Variants in SLC24A2 observed in about 807,000 individuals in gnomAD.
SLC24A2 encodes solute carrier family 24 member 2.
SLC24A2 carries 36 observed loss-of-function variants against 62.0 expected under a neutral mutation model. The observed-to-expected ratio is 0.58, with a 90% CI of 0.44 to 0.77. The LOEUF is 0.77. Among genes scored for constraint, SLC24A2 ranks in the 30% least tolerant of loss-of-function variants. The pLI is 0.00. For synonymous variants in SLC24A2, 358 were observed against 294.0 expected (o/e 1.22, Z -2.23); for missense variants, 846 against 817.9 (o/e 1.03, Z -0.42).
At chr9:19,559,960 C>G (rs924392972) in intron 7 of SLC24A2, among the ~76,000 whole-genome samples, 3 of 152,114 alleles carry the variant, frequency 2.0e-5, no homozygotes, top group African/African-American at 7.2e-5. Flanking sequence ...TTTGGTCTCA[C>G]CGACCCAAAC....
the SLC24A2 span, among the ~76,000 whole-genome samples, chr9:19,865,721 C>A: frequency 3.3e-3 from 500 of 152,268 alleles, 1 homozygote; most frequent in African/African-American, 0.011. Flanking sequence ...AGACTTAAAT[C>A]TAAGACCACA....
chr9:20,277,983 A>T, the SLC24A2 span, among the ~76,000 whole-genome samples: 22,315 of 152,126 alleles, frequency 0.15, 1,979 homozygotes, highest in African/African-American at 0.24. Flanking sequence ...AACTACCACA[A>T]AGACAGAAAA....
the SLC24A2 span, among the ~76,000 whole-genome samples, chr9:20,121,717 C>T: frequency 6.2e-4 from 95 of 152,224 alleles, 1 homozygote; most frequent in African/African-American, 2.2e-3. Context: ...TTTAAGAAAA[C>T]ACCGATATCC....
the SLC24A2 span, chr9:19,928,479 A>C: frequency 1.3e-5 from 2 of 152,328 alleles, no homozygotes; most frequent in Middle Eastern, 3.4e-3. Context: ...ACCTTGAGAA[A>C]GTCACTCAAT....
intron 2 of SLC24A2, among the ~76,000 whole-genome samples, chr9:19,641,755 C>A (rs1818500620): frequency 2.0e-5 from 3 of 152,138 alleles, no homozygotes; most frequent in Admixed American, 1.3e-4. Context: ...GCTATAAAAG[C>A]AACACATTTA....
Position 19,597,291 on chromosome 9 carries a change from C to T in SLC24A2, c.1079-12G>A. ...ATATGATCCAAGTTCTACAACATCA[C>T]AGTAAAAGACACAAAGATAAGGAAC... On this transcript the variant is annotated splice_polypyrimidine_tract_variant and intron_variant, in intron 4 of 10. Transcript: ENST00000341998. The T allele has an allele frequency of 2.0e-6, 3 of 1,522,604 alleles. No individual in the cohort carries two copies. The highest frequency in any genetic ancestry group is 2.7e-6 in the Non-Finnish European group (3 of 1,096,770). 94.3% of individuals were successfully genotyped at this position (1,522,604 alleles called of 1,614,324 possible).
chr9:19,889,116 G>A, the SLC24A2 span, among the ~76,000 whole-genome samples: 1 of 152,298 alleles, frequency 6.6e-6, no homozygotes, highest in East Asian at 1.9e-4. Context: ...AACCTTCAGA[G>A]CACCTTGGCT....
chr9:20,071,733 C>G, the SLC24A2 span, among the ~76,000 whole-genome samples: 1 of 152,100 alleles, frequency 6.6e-6, no homozygotes, highest in Non-Finnish European at 1.5e-5. Flanking sequence ...AACACTATCT[C>G]TGGATAGACA....
chr9:19,913,149 T>A, the SLC24A2 span, among the ~76,000 whole-genome samples: 1 of 152,130 alleles, frequency 6.6e-6, no homozygotes, highest in Admixed American at 6.6e-5. Flanking sequence ...CTCATCTAAA[T>A]TGAAGAATTC....
chr9:20,189,330 T>C, the SLC24A2 span, among the ~76,000 whole-genome samples: 22 of 152,300 alleles, frequency 1.4e-4, no homozygotes, highest in African/African-American at 5.3e-4. Flanking sequence ...CCTGTGTTGA[T>C]AAATCGACTG....
intron 2 of SLC24A2, among the ~76,000 whole-genome samples, chr9:19,628,955 A>C (rs946792429): frequency 6.6e-6 from 1 of 152,170 alleles, no homozygotes. Context: ...TGATTTTTTA[A>C]AAAGGTCTAA....
chr9:19,832,669 T>A, the SLC24A2 span, among the ~76,000 whole-genome samples: 3 of 152,002 alleles, frequency 2.0e-5, no homozygotes, highest in South Asian at 2.1e-4. Context: ...ACCATTCAGG[T>A]CATAGGCATG....
At chr9:20,304,035 C>A in the SLC24A2 span, among the ~76,000 whole-genome samples, 1 of 152,198 alleles carries the variant, frequency 6.6e-6, no homozygotes, top group Non-Finnish European at 1.5e-5. Context: ...CATGACATAG[C>A]TATAAAACAG....
chr9:20,276,043 CA>C, the SLC24A2 span, among the ~76,000 whole-genome samples: 1 of 152,094 alleles, frequency 6.6e-6, no homozygotes, highest in African/African-American at 2.4e-5. Context: ...ACAGCCAAAC[CA>C]TATCATTCTG....
At chr9:19,830,976 C>A in the SLC24A2 span, among the ~76,000 whole-genome samples, 2 of 152,122 alleles carry the variant, frequency 1.3e-5, no homozygotes, top group African/African-American at 4.8e-5. Context: ...CAAGAGGGTG[C>A]AGTGTTGCGA....
chr9:20,069,979 A>G, the SLC24A2 span, among the ~76,000 whole-genome samples: 1 of 152,224 alleles, frequency 6.6e-6, no homozygotes, highest in Non-Finnish European at 1.5e-5. Flanking sequence ...CTACATTAAC[A>G]TGACCTTATT....
chr9:19,529,751 G>A (rs1412831363), intron 8 of SLC24A2, among the ~76,000 whole-genome samples: 4 of 136,012 alleles, frequency 2.9e-5, no homozygotes, highest in African/African-American at 8.1e-5. Flanking sequence ...GGAGACCTTC[G>A]TTTTTTTTTT....
At chr9:20,254,710 A>T in the SLC24A2 span, among the ~76,000 whole-genome samples, 394 of 152,316 alleles carry the variant, frequency 2.6e-3, 4 homozygotes, top group African/African-American at 9.1e-3. Context: ...TGACACAATC[A>T]GATTCCAAGC....
At chr9:20,203,331 GTTC>G in the SLC24A2 span, among the ~76,000 whole-genome samples, 3 of 152,134 alleles carry the variant, frequency 2.0e-5, no homozygotes, top group African/African-American at 7.2e-5. Flanking sequence ...AGATAATGCA[GTTC>G]TTCTTATGGC....
Sources: gnomAD v4.1 joint callset for allele counts (sites outside exome capture counted in the v4.1 genomes callset) on GRCh38, gnomAD v4.1.1 for gene constraint, MANE v1.5 for transcripts, NCBI Gene and HGNC (gene_info 2026-07-23, HGNC 2026-07-21) for gene names.